Variants in SCLT1 observed in about 807,000 individuals in gnomAD.
The protein encoded by SCLT1 is sodium channel-associated protein 1.
Under a neutral mutation model 112.8 loss-of-function variants are expected in SCLT1, and 78 were observed. The ratio of observed to expected loss-of-function variants is 0.69; its 90% CI spans 0.58 to 0.83. The LOEUF is 0.83. Ranked by LOEUF, SCLT1 falls within the 40% of genes least tolerant of loss-of-function variation. SCLT1 has a pLI of 0.00. For missense variants in SCLT1, 747 were observed against 770.4 expected (o/e 0.97, Z 0.36); for synonymous variants, 257 against 254.7 (o/e 1.01, Z -0.09).
chr4:128,902,721 A>G (rs937515549), intron 18 of SCLT1, among the ~76,000 whole-genome samples: 13 of 152,012 alleles, frequency 8.6e-5, no homozygotes, highest in African/African-American at 2.9e-4. Context: ...TTATAAAAAC[A>G]TATTTTTTCT....
At chr4:129,055,174 G>A (rs1200794166) in intron 2 of SCLT1, among the ~76,000 whole-genome samples, 1 of 152,174 alleles carries the variant, frequency 6.6e-6, no homozygotes, top group East Asian at 1.9e-4. Context: ...AATGCCAGCT[G>A]GAGCTCTCCT....
At chr4:129,011,897 C>G (rs2126105293) in intron 5 of SCLT1, among the ~76,000 whole-genome samples, 1 of 152,068 alleles carries the variant, frequency 6.6e-6, no homozygotes, top group South Asian at 2.1e-4. Flanking sequence ...CTTGTCATTT[C>G]TGATTGTGTT....
chr4:129,039,898 GCGCACACA>G (rs879120071), intron 4 of SCLT1: 9,205 of 240,428 alleles, frequency 0.038, 99 homozygotes, highest in South Asian at 0.053. Context: ...GTGTGCGCGC[GCGCACACA>G]CACACACACA....
intron 5 of SCLT1, among the ~76,000 whole-genome samples, chr4:129,032,277 G>A (rs1746793571): frequency 1.3e-5 from 2 of 152,178 alleles, no homozygotes; most frequent in South Asian, 4.2e-4. Flanking sequence ...AGGAAAACTG[G>A]CTAGCCCTAT....
chr4:128,978,004 A>G (rs1199823372), intron 9 of SCLT1, among the ~76,000 whole-genome samples: 1 of 152,172 alleles, frequency 6.6e-6, no homozygotes, highest in African/African-American at 2.4e-5. Flanking sequence ...GATCATCTGT[A>G]CATAGAGCCA....
At chr4:129,053,233 G>A (rs1018718586) in intron 2 of SCLT1, among the ~76,000 whole-genome samples, 3 of 152,152 alleles carry the variant, frequency 2.0e-5, no homozygotes, top group Non-Finnish European at 4.4e-5. Context: ...TTCTGTAGAT[G>A]TCTATTAGGT....
intron 8 of SCLT1, among the ~76,000 whole-genome samples, chr4:128,993,295 T>C (rs1742734543): frequency 6.6e-6 from 1 of 152,016 alleles, no homozygotes; most frequent in Admixed American, 6.6e-5. Flanking sequence ...CTGACTAAAA[T>C]ATGAGCCTTT....
chr4:128,978,894 TAGAA>T (rs1333889627), intron 9 of SCLT1, among the ~76,000 whole-genome samples: 12 of 151,862 alleles, frequency 7.9e-5, no homozygotes, highest in Non-Finnish European at 1.6e-4. Flanking sequence ...TACAATATAA[TAGAA>T]AGAGGAGAAA....
At position 129,034,570 on chromosome 4, in the gene SCLT1, C is replaced by CTATA. The variant is rs71589021; in HGVS notation, c.290+4467_290+4470dup. Among the ~76,000 whole-genome samples, 423 of 143,950 alleles carry CTATA rather than the reference C, an allele frequency of 2.9e-3. 2 individuals are homozygous for CTATA. Among genetic ancestry groups the CTATA allele is most frequent in the South Asian group, 0.014 (62 of 4,516 alleles). 94.4% of individuals were successfully genotyped at this position (143,950 alleles called of 152,430 possible). A position where few individuals can be genotyped will look rare whatever the true frequency, so the allele number is the denominator to read the frequency against. On this transcript the variant is annotated intron_variant, in intron 5 of 20. Transcript: ENST00000281142. ...AGTTTTATGTTTCTGTGTTCTAAAG[C>CTATA]TATATATATATATATATATATGCCT...
At chr4:129,044,649 A>G (rs1332647672) in intron 2 of SCLT1, among the ~76,000 whole-genome samples, 1 of 152,004 alleles carries the variant, frequency 6.6e-6, no homozygotes, top group Non-Finnish European at 1.5e-5. Flanking sequence ...ACATGGTACT[A>G]TAACATTAAT....
chr4:128,920,130 T>C (rs1242378777), intron 18 of SCLT1, among the ~76,000 whole-genome samples: 1 of 152,138 alleles, frequency 6.6e-6, no homozygotes, highest in African/African-American at 2.4e-5. Flanking sequence ...CTGATGATCA[T>C]AGATGCAAAA....
downstream of SCLT1, among the ~76,000 whole-genome samples, chr4:128,880,615 T>C (rs1337082027): frequency 6.6e-6 from 1 of 152,226 alleles, no homozygotes; most frequent in African/African-American, 2.4e-5. Flanking sequence ...TTTTAGTTGA[T>C]AACACGCTCA....
At chr4:128,970,782 C>G (rs964505270) in intron 9 of SCLT1, 1 of 213,658 alleles carries the variant, frequency 4.7e-6, no homozygotes, top group African/African-American at 2.3e-5. Context: ...GATACATTAC[C>G]TAACAAGAGC....
At chr4:129,045,306 T>A (rs546707249) in intron 2 of SCLT1, among the ~76,000 whole-genome samples, 1 of 152,220 alleles carries the variant, frequency 6.6e-6, no homozygotes, top group East Asian at 1.9e-4. Flanking sequence ...GAGCAAAACC[T>A]ATAAATGGAA....
At chr4:129,028,632 C>A (rs1746374406) in intron 5 of SCLT1, among the ~76,000 whole-genome samples, 1 of 152,122 alleles carries the variant, frequency 6.6e-6, no homozygotes, top group African/African-American at 2.4e-5. Flanking sequence ...GACTTCATGT[C>A]TAAAACACCA....
chr4:128,881,183 C>T (rs146900910), downstream of SCLT1, among the ~76,000 whole-genome samples: 150 of 151,816 alleles, frequency 9.9e-4, no homozygotes, highest in African/African-American at 3.5e-3. Context: ...GTACTGCAAT[C>T]TCTCTGTCTA....
intron 5 of SCLT1, among the ~76,000 whole-genome samples, chr4:129,026,607 C>G (rs889793201): frequency 6.6e-6 from 1 of 151,866 alleles, no homozygotes; most frequent in African/African-American, 2.4e-5. Context: ...AGGAAAGATC[C>G]AAAATTGACA....
intron 1 of SCLT1, among the ~76,000 whole-genome samples, chr4:129,091,139 G>A (rs1752790591): frequency 6.6e-6 from 1 of 152,006 alleles, no homozygotes; most frequent in African/African-American, 2.4e-5. Flanking sequence ...TCACTTAATG[G>A]AATAACCCAC....
downstream of SCLT1, among the ~76,000 whole-genome samples, chr4:128,883,046 T>C (rs1312133087): frequency 2.0e-5 from 3 of 150,086 alleles, no homozygotes; most frequent in African/African-American, 7.4e-5. Context: ...CTTGGGAGGC[T>C]GAGGCAGGAG....
Sources: gnomAD v4.1 joint callset for allele counts (sites outside exome capture counted in the v4.1 genomes callset) on GRCh38, gnomAD v4.1.1 for gene constraint, MANE v1.5 for transcripts, NCBI Gene and HGNC (gene_info 2026-07-23, HGNC 2026-07-21) for gene names.